GRIN2A: variants seen among roughly 807,000 people sequenced by gnomAD.
GRIN2A encodes glutamate receptor ionotropic, NMDA 2A.
GRIN2A carries 22 observed loss-of-function variants against 113.4 expected under a neutral mutation model. That is an observed-to-expected ratio of 0.19 (90% CI 0.14 to 0.28). The LOEUF is 0.28. GRIN2A is among the 10% of genes least tolerant of loss of function. GRIN2A has a pLI of 1.00. For synonymous variants in GRIN2A, 827 were observed against 738.4 expected, an observed-to-expected ratio of 1.12 and a Z score of -1.94; for missense variants, 1,502 against 1,887.0, an observed-to-expected ratio of 0.80 and a Z score of 3.78.
chr16:9,812,790 A>G (rs2141273624), intron 10 of GRIN2A, among the ~76,000 whole-genome samples: 1 of 152,358 alleles, frequency 6.6e-6, no homozygotes, highest in East Asian at 1.9e-4. Context: ...AGGTTTACAC[A>G]TACGGATAAA....
intron 2 of GRIN2A, among the ~76,000 whole-genome samples, chr16:9,961,362 G>C (rs781704571): frequency 6.6e-6 from 1 of 152,134 alleles, no homozygotes; most frequent in African/African-American, 2.4e-5. Context: ...GAGTGCAGGA[G>C]TAAAGAGGTT....
intron 2 of GRIN2A, among the ~76,000 whole-genome samples, chr16:10,044,005 G>A (rs898919710): frequency 5.1e-4 from 51 of 100,302 alleles, no homozygotes; most frequent in East Asian, 2.2e-3. Flanking sequence ...GTGTGTGTGT[G>A]TGTATATATA....
chr16:10,177,156 T>C (rs557058425), intron 2 of GRIN2A, among the ~76,000 whole-genome samples: 17 of 152,352 alleles, frequency 1.1e-4, no homozygotes, highest in African/African-American at 3.8e-4. Context: ...TGTTCAGCTC[T>C]AAATGAAACA....
chr16:10,119,589 T>C (rs2048794224), intron 2 of GRIN2A, among the ~76,000 whole-genome samples: 1 of 152,180 alleles, frequency 6.6e-6, no homozygotes, highest in Admixed American at 6.5e-5. Context: ...AACTTTCATT[T>C]TAGGTTCAGG....
intron 2 of GRIN2A, among the ~76,000 whole-genome samples, chr16:10,045,330 T>C (rs1404238107): frequency 6.6e-6 from 1 of 152,232 alleles, no homozygotes; most frequent in African/African-American, 2.4e-5. Context: ...GGTAAATATG[T>C]TCTTCCTTCT....
intron 2 of GRIN2A, among the ~76,000 whole-genome samples, chr16:10,053,753 TA>T (rs1399336605): frequency 3.3e-5 from 5 of 152,242 alleles, no homozygotes; most frequent in African/African-American, 4.8e-5. Flanking sequence ...GGTGCAAAAG[TA>T]ATCGTGGTTT....
chr16:10,162,279 G>A (rs145804198), intron 2 of GRIN2A, among the ~76,000 whole-genome samples: 1 of 152,180 alleles, frequency 6.6e-6, no homozygotes, highest in Non-Finnish European at 1.5e-5. Flanking sequence ...TGGAGGTCTG[G>A]GTTCTGAGCT....
intron 10 of GRIN2A, among the ~76,000 whole-genome samples, chr16:9,809,866 G>A (rs1328781747): frequency 2.0e-5 from 3 of 152,154 alleles, no homozygotes; most frequent in Admixed American, 6.5e-5. Context: ...TCGGGAGTTC[G>A]AGACCAGTCT....
At chr16:9,787,041 A>T (rs1284506755) in intron 11 of GRIN2A, among the ~76,000 whole-genome samples, 2 of 152,180 alleles carry the variant, frequency 1.3e-5, no homozygotes, top group African/African-American at 4.8e-5. Flanking sequence ...ATAAAGGAGG[A>T]AGTCAAAATA....
At chr16:9,802,424 A>G (rs1286536930) in intron 10 of GRIN2A, among the ~76,000 whole-genome samples, 1 of 152,222 alleles carries the variant, frequency 6.6e-6, no homozygotes, top group Non-Finnish European at 1.5e-5. Flanking sequence ...ATCCTGAGCA[A>G]ACTGATGCAG....
At chr16:9,994,138 C>T (rs1033578279) in intron 2 of GRIN2A, among the ~76,000 whole-genome samples, 3 of 152,216 alleles carry the variant, frequency 2.0e-5, no homozygotes, top group African/African-American at 7.2e-5. Context: ...GAAATACCTC[C>T]TTTCTCACTT....
chr16:10,084,744 C>CTTTATTTATTTA (rs144403767), intron 2 of GRIN2A, among the ~76,000 whole-genome samples: 2,924 of 147,100 alleles, frequency 0.02, 41 homozygotes, highest in African/African-American at 0.039. Context: ...CCACCTGACA[C>CTTTATTTATTTA]TTTATTTATT....
chr16:9,833,262 A>T (rs757004489), intron 8 of GRIN2A, among the ~76,000 whole-genome samples: 9 of 152,152 alleles, frequency 5.9e-5, no homozygotes, highest in Non-Finnish European at 1.0e-4. Context: ...TATCAACTAC[A>T]ATGCACTAAG....
chr16:9,803,189 G>C (rs2041899445), intron 10 of GRIN2A, among the ~76,000 whole-genome samples: 1 of 152,120 alleles, frequency 6.6e-6, no homozygotes, highest in Non-Finnish European at 1.5e-5. Context: ...CGGATCACCT[G>C]AGGTCGGGAG....
At chr16:9,947,257 C>A (rs1374570937) in intron 2 of GRIN2A, among the ~76,000 whole-genome samples, 1 of 151,956 alleles carries the variant, frequency 6.6e-6, no homozygotes, top group Admixed American at 6.6e-5. Context: ...TTTTGTTTTT[C>A]TCTAATATGT....
intron 2 of GRIN2A, among the ~76,000 whole-genome samples, chr16:10,072,841 G>A (rs534835666): frequency 6.6e-6 from 1 of 151,928 alleles, no homozygotes; most frequent in Admixed American, 6.6e-5. Context: ...CTAGAGAATA[G>A]AGAGTAGTCA....
chr16:9,758,826 C>G lies in GRIN2A; in HGVS notation c.*4323G>C, dbSNP rs866690516. 1 of 214,924 alleles carries G rather than the reference C, an allele frequency of 4.7e-6. No homozygotes were observed. Among genetic ancestry groups the G allele is most frequent in the East Asian group, 6.9e-5 (1 of 14,540 alleles). 13.3% of individuals were successfully genotyped at this position (214,924 alleles called of 1,614,324 possible). On this transcript the variant is annotated 3_prime_UTR_variant, in exon 13 of 13. Coordinates refer to ENST00000330684, the MANE Select transcript of GRIN2A (RefSeq NM_001134407.3). ...ACCCCACAGCACTTTCAACCCTGTT[C>G]ACCAAAAAGAGATGGGGTATCTGGA... is the stretch of plus-strand genomic sequence containing the variant.
chr16:10,106,861 G>A lies in GRIN2A; in HGVS notation c.414+73137C>T, dbSNP rs537867727. On this transcript the variant is annotated intron_variant, in intron 2 of 12. Transcript: ENST00000330684. The stretch of plus-strand genomic sequence containing the variant: ...AAGGAAGGCAGGGAAGCTGGGCTGT[G>A]CAATAAGCAGCAAGCCTGGGTGTTA... 3.3e-5 allele frequency among the ~76,000 whole-genome samples: 5 copies of A among 152,280 alleles called. No homozygotes were observed. In the South Asian group the frequency reaches 8.3e-4, roughly 25 times the overall value.
intron 2 of GRIN2A, among the ~76,000 whole-genome samples, chr16:10,097,927 C>G (rs1035167819): frequency 6.6e-6 from 1 of 152,068 alleles, no homozygotes; most frequent in Admixed American, 6.6e-5. Flanking sequence ...GCAACAAAAA[C>G]AAAGACAAAT....
Sources: gnomAD v4.1 joint callset for allele counts (sites outside exome capture counted in the v4.1 genomes callset) on GRCh38, gnomAD v4.1.1 for gene constraint, MANE v1.5 for transcripts, NCBI Gene and HGNC (gene_info 2026-07-23, HGNC 2026-07-21) for gene names.